USP53: variants seen among roughly 807,000 people sequenced by gnomAD.
USP53 encodes the protein ubiquitin carboxyl-terminal hydrolase 53.
A neutral mutation model predicts 94.9 loss-of-function variants in USP53; 71 were observed. That is an observed-to-expected ratio of 0.75 (90% CI 0.62 to 0.91). USP53 has a LOEUF of 0.91. Among genes scored for constraint, USP53 ranks in the 40% least tolerant of loss-of-function variants. The pLI is 0.00. For synonymous variants in USP53, 375 were observed against 422.7 expected (o/e 0.89, Z 1.39); for missense variants, 1,173 against 1,281.0 (o/e 0.92, Z 1.29).
intron 3 of USP53, among the ~76,000 whole-genome samples, chr4:119,230,594 A>G (rs922366364): frequency 1.3e-5 from 2 of 152,186 alleles, no homozygotes; most frequent in Admixed American, 6.5e-5. Context: ...GTTTATTCCT[A>G]TCAAGATAGC....
chr4:119,282,688 G>C (rs1753639427), intron 17 of USP53, among the ~76,000 whole-genome samples: 1 of 151,778 alleles, frequency 6.6e-6, no homozygotes, highest in African/African-American at 2.4e-5. Context: ...CCCAGTCTGG[G>C]ACTGAGAATA....
In USP53 at chr4:119,294,465, A is replaced by C. The variant is rs1755079721; in HGVS notation, c.*1254A>C. ...CTTATGAGTAAAAATAAGTTACTTT[A>C]ATTGCTTTATTTCGTTAGTTGTCAT... On this transcript the variant is annotated 3_prime_UTR_variant, in exon 19 of 19. Coordinates refer to ENST00000692078, the MANE Select transcript of USP53 (RefSeq NM_001371395.1). 1 of 151,932 alleles carries C rather than the reference A, an allele frequency of 6.6e-6. No homozygotes were observed. 9.4% of individuals were successfully genotyped at this position (151,932 alleles called of 1,614,324 possible).
intron 17 of USP53, among the ~76,000 whole-genome samples, chr4:119,274,944 G>C (rs1752406555): frequency 1.5e-5 from 1 of 67,808 alleles, no homozygotes; most frequent in Non-Finnish European, 3.1e-5. Context: ...TGATGGGGTT[G>C]TTTGTTTTTT....
chr4:119,251,538 C>G (rs1749006705), intron 7 of USP53, among the ~76,000 whole-genome samples: 1 of 152,166 alleles, frequency 6.6e-6, no homozygotes, highest in South Asian at 2.1e-4. Flanking sequence ...AAAAGCATTC[C>G]TATTTTTCTG....
chr4:119,236,969 C>G (rs2149317155), intron 4 of USP53, among the ~76,000 whole-genome samples: 1 of 152,198 alleles, frequency 6.6e-6, no homozygotes, highest in African/African-American at 2.4e-5. Context: ...CAGCTGTGGC[C>G]TTATGAAATG....
chr4:119,222,546 A>G (rs573337612), intron 3 of USP53, among the ~76,000 whole-genome samples: 1 of 152,182 alleles, frequency 6.6e-6, no homozygotes, highest in Non-Finnish European at 1.5e-5. Flanking sequence ...GAGTGAGTAC[A>G]TGGGATATTT....
rs1216786967 is a variant in USP53 at position 119,292,543 on chromosome 4, AAG to A, written c.2559_2560del (p.Arg853SerfsTer4). On this transcript the variant is annotated frameshift_variant, in exon 19 of 19. Coordinates refer to ENST00000692078, the MANE Select transcript of USP53 (RefSeq NM_001371395.1). LOFTEE classifies it low-confidence loss of function (END_TRUNC). Reference sequence around the variant, plus strand: ...TCACGTTGATAACTCTGCTTCTGGGAAGAGAGTGAACAGTAATGAACCATCTT... The same window carrying A: ...TCACGTTGATAACTCTGCTTCTGGGAAGAGTGAACAGTAATGAACCATCTT... ...PFHVDNSASG[K>X]RVNSNEPSSL... The A allele has an allele frequency of 1.2e-6, 2 of 1,614,072 alleles. No individual in the cohort carries two copies. The highest frequency in any genetic ancestry group is 1.7e-6 in the Non-Finnish European group (2 of 1,179,944).
intron 6 of USP53, among the ~76,000 whole-genome samples, chr4:119,247,630 TG>T (rs1208350890): frequency 2.0e-5 from 3 of 152,176 alleles, no homozygotes; most frequent in Non-Finnish European, 4.4e-5. Flanking sequence ...AGGCTCCATG[TG>T]GGCAGGGTTG....
rs139314001 is a variant in USP53, at chr4:119,253,134, G to A, written c.373-3112G>A. Among the ~76,000 whole-genome samples the A allele has an allele frequency of 4.7e-3, 720 of 152,206 alleles. 3 individuals carry two copies. Among genetic ancestry groups the A allele is most frequent in the African/African-American group, 0.015 (615 of 41,532 alleles). On this transcript the variant is annotated intron_variant, in intron 7 of 18. Transcript: ENST00000692078. ...TGTTCTTTTACATTTGCTCGGGAGC[G>A]TTTTACTTCCAATTATGTGGTCGGT...
Position 119,260,556 on chromosome 4 carries a change from C to G in USP53, c.725C>G (p.Pro242Arg), listed in dbSNP as rs1561279060. The G allele has an allele frequency of 6.2e-7, 1 of 1,613,910 alleles. No homozygotes were observed. Residue 242 changes from proline (P) to arginine (R), a missense_variant, in exon 11 of 19, where the codon CCA becomes CGA. Transcript: ENST00000692078. ...ATTCGCCGTGTTTTAATGAATTGCC[C>G]AGAGATTGTTACAATTGGTTTAGTC... ...IKIRRVLMNCPEIVTIGLVWD... is the reference protein window; with the variant it reads ...IKIRRVLMNCREIVTIGLVWD...
chr4:119,293,957 G>A lies in USP53; in HGVS notation c.*746G>A, dbSNP rs530101470. The A allele has an allele frequency of 6.6e-6, 1 of 152,192 alleles. No individual in the cohort carries two copies. The highest frequency in any genetic ancestry group is 1.9e-4 in the East Asian group (1 of 5,184). 9.4% of individuals were successfully genotyped at this position (152,192 alleles called of 1,614,324 possible). A position where few individuals can be genotyped will look rare whatever the true frequency, so the allele number is the denominator to read the frequency against. ...AGAATTTTTGTCTTCAGAATATCTAGTTAAGATAAATTAGGCCTTTGACTA... is the reference window on the plus strand; with the variant it reads ...AGAATTTTTGTCTTCAGAATATCTAATTAAGATAAATTAGGCCTTTGACTA... On this transcript the variant is annotated 3_prime_UTR_variant, in exon 19 of 19. Coordinates refer to ENST00000692078, the MANE Select transcript of USP53 (RefSeq NM_001371395.1).
chr4:119,255,337 G>A (rs977059877), intron 7 of USP53, among the ~76,000 whole-genome samples: 5 of 152,166 alleles, frequency 3.3e-5, no homozygotes, highest in African/African-American at 9.7e-5. Flanking sequence ...CCCTAGAGGT[G>A]GAATCTAGGG....
rs377360505 is a variant in USP53, at chr4:119,212,798, AGCTCTGTG to A, written c.-1015_-1008del. 452 of 300,416 alleles carry A rather than the reference AGCTCTGTG, an allele frequency of 1.5e-3. 2 individuals are homozygous for A. Among genetic ancestry groups the A allele is most frequent in the African/African-American group, 9.2e-3 (426 of 46,182 alleles). The allele number at this position is 300,416 out of a possible 1,614,324, so 18.6% of individuals were successfully genotyped here. A position where few individuals can be genotyped will look rare whatever the true frequency, so the allele number is the denominator to read the frequency against. On this transcript the variant is annotated 5_prime_UTR_variant, in exon 1 of 19. Coordinates refer to ENST00000692078, the MANE Select transcript of USP53 (RefSeq NM_001371395.1). Reference sequence around the variant, plus strand: ...AAGCGGGGCTGGGCCAGCGGGAGGTAGCTCTGTGGGAGTGGAAGGCCTGTATTTCTCTA... The same window carrying A: ...AAGCGGGGCTGGGCCAGCGGGAGGTAGGAGTGGAAGGCCTGTATTTCTCTA...
rs891618426 is a variant in USP53, at chr4:119,239,807, A to G, written c.48A>G (p.Lys16=). ...FLRKPGGNLG[K]VYQPGSMLSL... ...GGAAACCTGGTGGCAATCTTGGAAAAGTTTATCAGCCTGGAAGTATGCTAT... is the reference window on the plus strand; with the variant it reads ...GGAAACCTGGTGGCAATCTTGGAAAGGTTTATCAGCCTGGAAGTATGCTAT... Residue 16 remains lysine, a synonymous_variant, in exon 5 of 19, where the codon AAA becomes AAG. Coordinates refer to ENST00000692078, the MANE Select transcript of USP53 (RefSeq NM_001371395.1). The G allele has an allele frequency of 6.2e-7, 1 of 1,612,348 alleles. No individual in the cohort carries two copies. The highest frequency in any genetic ancestry group is 1.3e-5 in the African/African-American group (1 of 74,988).
intron 17 of USP53, among the ~76,000 whole-genome samples, chr4:119,274,528 G>A (rs1409372675): frequency 2.0e-5 from 3 of 151,976 alleles, no homozygotes; most frequent in African/African-American, 7.3e-5. Flanking sequence ...CCAAGTCTTT[G>A]CTATTGTGAA....
intron 5 of USP53, among the ~76,000 whole-genome samples, chr4:119,243,861 A>C (rs192092097): frequency 1.3e-5 from 1 of 77,738 alleles, no homozygotes; most frequent in African/African-American, 4.2e-5. Flanking sequence ...ATTTAATACT[A>C]TACTATTTAA....
At position 119,271,821 on chromosome 4, in the gene USP53, G is replaced by A. The variant is rs764657728; in HGVS notation, c.1961G>A (p.Ser654Asn). ...ATGAAGCAGGAAATAGGAAGCAGAA[G>A]TTCCCTTGAATCTAATGGAAAAGGA... ...DEMKQEIGSR[S>N]SLESNGKGAE... The change falls in exon 16 of 19, where the codon AGT (serine) becomes AAT (asparagine). Residue 654 changes from serine to asparagine, a missense_variant. Physicochemically the swap from Ser to Asn is conservative, Grantham distance 46. Coordinates refer to ENST00000692078, the MANE Select transcript of USP53 (RefSeq NM_001371395.1). The A allele has an allele frequency of 2.5e-6, 4 of 1,612,852 alleles. No homozygotes were observed. In the South Asian group the frequency reaches 4.4e-5, roughly 18 times the overall value.
At position 119,223,492 on chromosome 4, in the gene USP53, G is replaced by A. The variant is rs566530823; in HGVS notation, c.-665+5819G>A. ...ATGTGCATATCCCAATTTGAAGATC[G>A]CTGCCTTTAAATATAAGAGAACCAA... On this transcript the variant is annotated intron_variant, in intron 3 of 18. Coordinates refer to ENST00000692078, the MANE Select transcript of USP53 (RefSeq NM_001371395.1). 2.4e-4 allele frequency among the ~76,000 whole-genome samples: 37 copies of A among 152,184 alleles called. No homozygotes were observed. In the South Asian group the frequency reaches 6.6e-3, roughly 27 times the overall value.
chr4:119,293,292 C>T lies in USP53; in HGVS notation c.*81C>T. On this transcript the variant is annotated 3_prime_UTR_variant, in exon 19 of 19. Transcript: ENST00000692078. Reference sequence around the variant, plus strand: ...TGAACAAAGATATAAACCTAGCATACATTGTAATAGATAACTGGTAAAACT... The same window carrying T: ...TGAACAAAGATATAAACCTAGCATATATTGTAATAGATAACTGGTAAAACT... The T allele has an allele frequency of 2.1e-6, 3 of 1,452,238 alleles. No homozygotes were observed. Among genetic ancestry groups the T allele is most frequent in the South Asian group, 2.8e-5 (2 of 70,796 alleles). The allele number at this position is 1,452,238 out of a possible 1,614,324, so 90.0% of individuals were successfully genotyped here.
Sources: gnomAD v4.1 joint callset for allele counts (sites outside exome capture counted in the v4.1 genomes callset) on GRCh38, gnomAD v4.1.1 for gene constraint, MANE v1.5 for transcripts, NCBI Gene and HGNC (gene_info 2026-07-23, HGNC 2026-07-21) for gene names.